DOCK11: variants seen among roughly 807,000 people sequenced by gnomAD.
The protein encoded by DOCK11 is dedicator of cytokinesis 11, also known as dedicator of cytokinesis protein 11.
Under a neutral mutation model 169.1 loss-of-function variants are expected in DOCK11, and 70 were observed. That is an observed-to-expected ratio of 0.41 (90% CI 0.34 to 0.51). The LOEUF (loss-of-function observed/expected upper bound fraction) is 0.51, where lower values mean the gene tolerates loss of function less well. Among genes scored for constraint, DOCK11 ranks in the 20% least tolerant of loss-of-function variants. The pLI is 0.10. For missense variants in DOCK11, 1,166 were observed against 1,538.8 expected (o/e 0.76, Z 4.05); for synonymous variants, 529 against 541.3 (o/e 0.98, Z 0.32).
intron 12 of DOCK11, among the ~76,000 whole-genome samples, chrX:118,577,997 A>G (rs1435515950): frequency 1.8e-5 from 2 of 112,240 alleles, no homozygotes; most frequent in African/African-American, 6.5e-5. Flanking sequence ...AGTACATTTA[A>G]GTAAAGTGTA....
At chrX:118,651,263 G>A (rs1361801745) in intron 41 of DOCK11, among the ~76,000 whole-genome samples, 1 of 111,495 alleles carries the variant, frequency 9.0e-6, no homozygotes, top group Non-Finnish European at 1.9e-5. Context: ...GCAAAATCCT[G>A]TCCCTACAAA....
chrX:118,618,460 G>T, intron 30 of DOCK11, 90 bp from the exon 31 acceptor site: 1 of 678,207 alleles, frequency 1.5e-6, no homozygotes, highest in South Asian at 4.1e-5. Flanking sequence ...TTGCTAGCAT[G>T]ATCACATATT....
intron 14 of DOCK11, among the ~76,000 whole-genome samples, chrX:118,580,889 A>G (rs2013611936): frequency 8.9e-6 from 1 of 112,386 alleles, no homozygotes; most frequent in African/African-American, 3.2e-5. Flanking sequence ...TCTGGAAAAC[A>G]TACTGAAAAT....
intron 35 of DOCK11, chrX:118,632,862 T>C (rs1416732139): frequency 9.3e-6 from 1 of 107,657 alleles, no homozygotes; most frequent in Non-Finnish European, 1.9e-5. Context: ...AGAAAAGGAA[T>C]AAGAGTCAGG....
At chrX:118,634,982 C>T (rs763929069) in intron 35 of DOCK11, among the ~76,000 whole-genome samples, 13 of 111,932 alleles carry the variant, frequency 1.2e-4, no homozygotes, top group Admixed American at 1.1e-3. Flanking sequence ...CCTCGGCCTC[C>T]GAAAGTGCTG....
intron 20 of DOCK11, among the ~76,000 whole-genome samples, chrX:118,596,760 G>A (rs2014179793): frequency 8.9e-6 from 1 of 111,821 alleles, no homozygotes; most frequent in Admixed American, 9.5e-5. Flanking sequence ...AGAGATTGGG[G>A]AAAATCTCTT....
intron 41 of DOCK11, among the ~76,000 whole-genome samples, chrX:118,649,744 A>T (rs1569441768): frequency 9.1e-6 from 1 of 110,432 alleles, no homozygotes; most frequent in Non-Finnish European, 1.9e-5. Flanking sequence ...CAAACTCCTG[A>T]CCTCAGGTGA....
intron 24 of DOCK11, among the ~76,000 whole-genome samples, chrX:118,607,439 T>TTG (rs2014557014): frequency 1.1e-5 from 1 of 92,510 alleles, no homozygotes; most frequent in Non-Finnish European, 2.2e-5. Context: ...TTTTTTTTTT[T>TTG]GAGACAGAGT....
intron 32 of DOCK11, among the ~76,000 whole-genome samples, chrX:118,626,371 C>T (rs1333224388): frequency 3.6e-5 from 4 of 111,071 alleles, no homozygotes; most frequent in African/African-American, 1.3e-4. Flanking sequence ...GTGCCCGGTC[C>T]CCAAAACCCT....
rs367550547 is a variant in DOCK11 at position 118,578,544 on chromosome X, A to C, written c.1409A>C (p.Asn470Thr). The change falls in exon 13 of 53, where the codon AAT becomes ACT. Residue 470 changes from asparagine to threonine, a missense_variant. By Grantham distance (65) the Asn-to-Thr change is moderately conservative. Transcript: ENST00000276202. Reference protein sequence around the residue: ...YIQQGIFSVTNPHPEIFLVAR... With the variant: ...YIQQGIFSVTTPHPEIFLVAR... ...TCCCAGGGAATTTTCTCAGTGACGA[A>C]TCCACATCCTGAAATTTTTCTAGTT... 10 of 1,207,549 alleles carry C rather than the reference A, an allele frequency of 8.3e-6. No individual in the cohort carries two copies. The African/African-American group carries it at 1.8e-4, about 21-fold the overall frequency.
chrX:118,512,338 C>G (rs2057655627), intron 1 of DOCK11, among the ~76,000 whole-genome samples: 1 of 111,968 alleles, frequency 8.9e-6, no homozygotes, highest in Non-Finnish European at 1.9e-5. Flanking sequence ...TTTTCCATTA[C>G]AAAGACCAAG....
At chrX:118,532,780 C>CAA (rs140455489) in intron 1 of DOCK11, among the ~76,000 whole-genome samples, 1,727 of 46,707 alleles carry the variant, frequency 0.037, 76 homozygotes, top group African/African-American at 0.13. Context: ...GACTCTGTCT[C>CAA]AAAAAAAAAA....
At position 118,555,575 on chromosome X, in the gene DOCK11, C is replaced by A. The variant is rs6646231; in HGVS notation, c.559-5808C>A. 2.0e-4 allele frequency among the ~76,000 whole-genome samples: 21 copies of A among 103,123 alleles called. No individual in the cohort carries two copies. The East Asian group carries it at 2.6e-3, about 13-fold the overall frequency. The allele number at this position is 103,123 out of a possible 115,157, so 89.5% of individuals were successfully genotyped here. On this transcript the variant is annotated intron_variant, in intron 6 of 52. Transcript: ENST00000276202. ...TCATCTTGAAAAGAAAAAAAAAAAA[C>A]AAAATAAACTTGATAGGACTGTAAA...
intron 9 of DOCK11, among the ~76,000 whole-genome samples, chrX:118,566,960 ATTC>A (rs1351415397): frequency 1.8e-5 from 2 of 112,411 alleles, no homozygotes; most frequent in African/African-American, 6.4e-5. Context: ...TTCATAAAAT[ATTC>A]TTCTTCCAAA....
At chrX:118,653,651 T>G (rs2015999158) in intron 42 of DOCK11, among the ~76,000 whole-genome samples, 1 of 111,676 alleles carries the variant, frequency 9.0e-6, no homozygotes, top group South Asian at 3.8e-4. Flanking sequence ...TGATCTCAGG[T>G]GGTCCTCTTG....
intron 37 of DOCK11, among the ~76,000 whole-genome samples, chrX:118,638,869 C>T (rs1269505468): frequency 2.7e-5 from 3 of 111,838 alleles, no homozygotes; most frequent in African/African-American, 6.5e-5. Flanking sequence ...TCTCCCACTA[C>T]GTTTACTAGA....
chrX:118,648,569 A>G (rs1274241878), intron 40 of DOCK11, among the ~76,000 whole-genome samples: 1 of 92,706 alleles, frequency 1.1e-5, no homozygotes, highest in Non-Finnish European at 2.1e-5. Context: ...TATATATTAT[A>G]TACATATATA....
chrX:118,652,148 C>A, intron 42 of DOCK11, 71 bp downstream of exon 42: 1 of 666,819 alleles, frequency 1.5e-6, no homozygotes, highest in South Asian at 2.8e-5. Flanking sequence ...CTTAAACTGT[C>A]ATTGGATTCA....
chrX:118,633,837 G>C (rs1315485366), intron 35 of DOCK11: 3 of 112,741 alleles, frequency 2.7e-5, no homozygotes, highest in African/African-American at 9.7e-5. Context: ...CCAGAAGTCT[G>C]AAATTGTTGT....
Sources: allele counts gnomAD v4.1 joint callset (sites outside exome capture counted in the v4.1 genomes callset), GRCh38; gene constraint gnomAD v4.1.1; transcripts MANE v1.5; gene names NCBI Gene and HGNC (gene_info 2026-07-23, HGNC 2026-07-21).